SLC44A1: variants seen among roughly 807,000 people sequenced by gnomAD.
The protein encoded by SLC44A1 is solute carrier family 44 member 1.
Under a neutral mutation model 79.3 loss-of-function variants are expected in SLC44A1, and 26 were observed. The ratio of observed to expected loss-of-function variants is 0.33; its 90% confidence interval spans 0.24 to 0.46. The LOEUF (loss-of-function observed/expected upper bound fraction) is 0.46, where lower values mean the gene tolerates loss of function less well. Among genes scored for constraint, SLC44A1 ranks in the 20% least tolerant of loss-of-function variants. The pLI is 1.00. For synonymous variants in SLC44A1, 263 were observed against 286.2 expected, an observed-to-expected ratio of 0.92 and a Z score of 0.82; for missense variants, 688 against 798.1, an observed-to-expected ratio of 0.86 and a Z score of 1.66.
At chr9:105,401,671 G>A (rs980376350), downstream of SLC44A1, among the ~76,000 whole-genome samples, 2 of 152,150 alleles carry the variant, frequency 1.3e-5, no homozygotes, top group African/African-American at 4.8e-5. Context: ...TGGGGATTAG[G>A]GAGATGCACG....
Position 105,366,448 on chromosome 9 carries a change from A to G in SLC44A1, c.1494+19A>G. 3.6e-6 allele frequency: 4 copies of G among 1,098,004 alleles called. No individual in the cohort carries two copies. The highest frequency in any genetic ancestry group is 5.2e-6 in the Non-Finnish European group (4 of 775,642). The allele number at this position is 1,098,004 out of a possible 1,614,324, so 68.0% of individuals were successfully genotyped here. On this transcript the variant is annotated intron_variant, in intron 12 of 15. Transcript: ENST00000374720. ...AAATCAGGTAAAATATTTTAAAAAT[A>G]AATCTAATATTTACTTTCAAAGATA...
rs896189819 is a variant in SLC44A1 at position 105,255,079 on chromosome 9, C to A, written c.36+10175C>A. On this transcript the variant is annotated intron_variant, in intron 1 of 15. Coordinates refer to ENST00000374720, the MANE Select transcript of SLC44A1 (RefSeq NM_080546.5). ...AGCCTCTGTTTTCTTTTGTTTTAACCTGCTTACTTTCAGGTTTTTTTGTTT... is the reference window on the plus strand; with the variant it reads ...AGCCTCTGTTTTCTTTTGTTTTAACATGCTTACTTTCAGGTTTTTTTGTTT... Among the ~76,000 whole-genome samples the A allele has an allele frequency of 1.3e-4, 20 of 149,344 alleles. 2 individuals are homozygous for A. Among genetic ancestry groups the A allele is most frequent in the Admixed American group, 1.1e-3 (17 of 15,032 alleles).
intron 15 of SLC44A1, among the ~76,000 whole-genome samples, chr9:105,434,674 C>T (rs1291667099): frequency 6.6e-6 from 1 of 152,148 alleles, no homozygotes; most frequent in African/African-American, 2.4e-5. Context: ...ATTCAGGAAG[C>T]TTTGAACTGA....
chr9:105,376,670 G>A (rs368310622), intron 13 of SLC44A1, among the ~76,000 whole-genome samples: 11 of 152,156 alleles, frequency 7.2e-5, no homozygotes, highest in Middle Eastern at 3.4e-3. Flanking sequence ...CACTGCCCAC[G>A]GCGTTTTTTA....
At chr9:105,246,465 C>T in intron 1 of SLC44A1, among the ~76,000 whole-genome samples, 1 of 140,832 alleles carries the variant, frequency 7.1e-6, no homozygotes, top group South Asian at 2.3e-4. Flanking sequence ...GTTAAAGATT[C>T]CTATTCAGTT....
At chr9:105,359,075 T>G (rs1827706602) in intron 7 of SLC44A1, among the ~76,000 whole-genome samples, 1 of 152,200 alleles carries the variant, frequency 6.6e-6, no homozygotes, top group Admixed American at 6.5e-5. Flanking sequence ...CGGGTTATAA[T>G]TAAAGTTAAA....
At chr9:105,336,482 C>A (rs527445743) in intron 4 of SLC44A1, among the ~76,000 whole-genome samples, 1 of 152,228 alleles carries the variant, frequency 6.6e-6, no homozygotes, top group South Asian at 2.1e-4. Context: ...CAGTTCTCTT[C>A]AGAGAATCGT....
chr9:105,359,979 A>G (rs1259361143), intron 7 of SLC44A1, among the ~76,000 whole-genome samples: 1 of 152,158 alleles, frequency 6.6e-6, no homozygotes, highest in Non-Finnish European at 1.5e-5. Flanking sequence ...GACATTTATC[A>G]TATCAGCCAC....
intron 5 of SLC44A1, among the ~76,000 whole-genome samples, chr9:105,354,900 G>T (rs1259857198): frequency 6.6e-6 from 1 of 152,204 alleles, no homozygotes; most frequent in Non-Finnish European, 1.5e-5. Flanking sequence ...GCTTTGCTGA[G>T]ATTAGAAACC....
rs368082758 is a variant in SLC44A1 at position 105,389,068 on chromosome 9, G to A, written c.*12G>A. On this transcript the variant is annotated 3_prime_UTR_variant, in exon 16 of 16. Transcript: ENST00000374720. ...CAAGTTCTGCTTGAACCTAGCCGAC[G>A]GTTATGGAAACCCATTGACATTCCA... The A allele has an allele frequency of 6.8e-6, 11 of 1,612,794 alleles. No homozygotes were observed. In the Admixed American group the frequency reaches 1.3e-4, roughly 20 times the overall value.
intron 15 of SLC44A1, among the ~76,000 whole-genome samples, chr9:105,414,535 A>G (rs1829142489): frequency 6.6e-6 from 1 of 152,176 alleles, no homozygotes; most frequent in Non-Finnish European, 1.5e-5. Context: ...TTTTACGACT[A>G]GAATTTTTAT....
rs1828879632 is a variant in SLC44A1 at position 105,396,599 on chromosome 9, A to G, written c.*7543A>G. On this transcript the variant is annotated 3_prime_UTR_variant, in exon 16 of 16. Coordinates refer to ENST00000374720, the MANE Select transcript of SLC44A1 (RefSeq NM_080546.5). ...TCACATCCAGTGTCAAGCCCAGCCC[A>G]GCATATGGGGTGATATGAGCAGAAA... 1 of 985,342 alleles carries G rather than the reference A, an allele frequency of 1.0e-6. No individual in the cohort carries two copies. Among genetic ancestry groups the G allele is most frequent in the Admixed American group, 6.1e-5 (1 of 16,268 alleles). The allele number at this position is 985,342 out of a possible 1,614,324, so 61.0% of individuals were successfully genotyped here. A position where few individuals can be genotyped will look rare whatever the true frequency, so the allele number is the denominator to read the frequency against.
At chr9:105,427,016 A>G (rs1262674280) in intron 15 of SLC44A1, among the ~76,000 whole-genome samples, 1 of 151,126 alleles carries the variant, frequency 6.6e-6, no homozygotes, top group African/African-American at 2.4e-5. Flanking sequence ...GCTCCCTCCA[A>G]CCTCCGCCTC....
chr9:105,390,709 T>TA lies in SLC44A1; in HGVS notation c.*1653_*1654insA. ...CTAGGCTAAAATTTGCTAAATGCCT[T>TA]GGTTTCTTTTAAAAGTTCATGTAAT... On this transcript the variant is annotated 3_prime_UTR_variant, in exon 16 of 16. Transcript: ENST00000374720. 4.1e-6 allele frequency: 4 copies of TA among 985,670 alleles called. No individual in the cohort carries two copies. Among genetic ancestry groups the TA allele is most frequent in the Non-Finnish European group, 4.8e-6 (4 of 829,790 alleles). The allele number at this position is 985,670 out of a possible 1,614,324, so 61.1% of individuals were successfully genotyped here.
chr9:105,324,505 G>A lies in SLC44A1; in HGVS notation c.270-11058G>A, dbSNP rs555783891. On this transcript the variant is annotated intron_variant, in intron 3 of 15. Coordinates refer to ENST00000374720, the MANE Select transcript of SLC44A1 (RefSeq NM_080546.5). ...TGGCCTCAAGCAATCCACCTGCCTC[G>A]GCCTCCCAAAGTGCTGGGATTGCAG... Among the ~76,000 whole-genome samples, 7 of 151,606 alleles carry A rather than the reference G, an allele frequency of 4.6e-5. No individual in the cohort carries two copies. In the East Asian group the frequency reaches 5.9e-4, roughly 13 times the overall value.
At chr9:105,311,850 A>C (rs1387717504) in intron 3 of SLC44A1, among the ~76,000 whole-genome samples, 1 of 152,198 alleles carries the variant, frequency 6.6e-6, no homozygotes, top group African/African-American at 2.4e-5. Flanking sequence ...TAAGTCTATA[A>C]TATTTCGATC....
chr9:105,416,465 T>C (rs1829172461), intron 15 of SLC44A1, among the ~76,000 whole-genome samples: 1 of 151,304 alleles, frequency 6.6e-6, no homozygotes. Flanking sequence ...TCACAGTAGT[T>C]GGGGGTGGGG....
chr9:105,255,100 TG>T lies in SLC44A1; in HGVS notation c.36+10197del, dbSNP rs368736601. Among the ~76,000 whole-genome samples, 217 of 150,414 alleles carry T rather than the reference TG, an allele frequency of 1.4e-3. 1 individual carries two copies. Among genetic ancestry groups the T allele is most frequent in the African/African-American group, 5.1e-3 (205 of 40,594 alleles). On this transcript the variant is annotated intron_variant, in intron 1 of 15. Coordinates refer to ENST00000374720, the MANE Select transcript of SLC44A1 (RefSeq NM_080546.5). ...TAACCTGCTTACTTTCAGGTTTTTTTGTTTTTTTTTTTTTTTAATAATTAAA... is the reference window on the plus strand; with the variant it reads ...TAACCTGCTTACTTTCAGGTTTTTTTTTTTTTTTTTTTTTTAATAATTAAA...
intron 11 of SLC44A1, 97 bp from the exon 12 acceptor site, chr9:105,366,249 T>A (rs958976445): frequency 1.1e-5 from 6 of 561,482 alleles, no homozygotes; most frequent in African/African-American, 2.0e-5. Context: ...TAAATTGTGA[T>A]TTTTAAATTT....
Sources: allele counts gnomAD v4.1 joint callset (sites outside exome capture counted in the v4.1 genomes callset), GRCh38; gene constraint gnomAD v4.1.1; transcripts MANE v1.5; gene names NCBI Gene and HGNC (gene_info 2026-07-23, HGNC 2026-07-21).